Variants in IGF2R observed in about 807,000 individuals in gnomAD.
The protein encoded by IGF2R is cation-independent mannose-6-phosphate receptor.
Under a neutral mutation model 270.6 loss-of-function variants are expected in IGF2R, and 91 were observed. That is an observed-to-expected ratio of 0.34 (90% CI 0.28 to 0.40). The LOEUF is 0.40. Among genes scored for constraint, IGF2R ranks in the 10% least tolerant of loss-of-function variants. IGF2R has a pLI of 1.00. For missense variants in IGF2R, 2,805 were observed against 3,188.3 expected, an observed-to-expected ratio of 0.88 and a Z score of 2.90; for synonymous variants, 1,316 against 1,258.9, an observed-to-expected ratio of 1.05 and a Z score of -0.96.
At chr6:160,012,485 A>G (rs1228873451) in intron 4 of IGF2R, among the ~76,000 whole-genome samples, 1 of 152,142 alleles carries the variant, frequency 6.6e-6, no homozygotes, top group Non-Finnish European at 1.5e-5. Flanking sequence ...GCAACAGAGT[A>G]TCGAGCACCT....
intron 1 of IGF2R, among the ~76,000 whole-genome samples, chr6:159,981,959 G>GT (rs933182816): frequency 1.3e-5 from 2 of 152,168 alleles, no homozygotes; most frequent in Non-Finnish European, 2.9e-5. Flanking sequence ...CTATTTATTT[G>GT]TATTTGTCGG....
intron 31 of IGF2R, among the ~76,000 whole-genome samples, chr6:160,071,017 G>A (rs1211914595): frequency 6.6e-6 from 1 of 152,216 alleles, no homozygotes; most frequent in Non-Finnish European, 1.5e-5. Flanking sequence ...GTGAGAGGGT[G>A]TGTGGGGCCC....
At chr6:160,058,256 T>G in intron 21 of IGF2R, 132 bp downstream of exon 21, 1 of 650,556 alleles carries the variant, frequency 1.5e-6, no homozygotes, top group Non-Finnish European at 2.8e-6. Context: ...CAGAAGGAGA[T>G]GGGAAAATCC....
At chr6:160,076,692 C>T (rs1778862216) in intron 36 of IGF2R, among the ~76,000 whole-genome samples, 2 of 152,216 alleles carry the variant, frequency 1.3e-5, no homozygotes, top group Admixed American at 1.3e-4. Context: ...AGCCTGTCGT[C>T]TGTGCTTCTG....
In IGF2R at chr6:160,089,316, T is replaced by C. The variant is rs1179312067; in HGVS notation, c.6467+63T>C. On this transcript the variant is annotated intron_variant, in intron 43 of 47. Coordinates refer to ENST00000356956, the MANE Select transcript of IGF2R (RefSeq NM_000876.4). Reference sequence around the variant, plus strand: ...TTCAAAATTAAACCAGCAATGCCGCTCTTTCCCTATCGGGGAGCACTGCAG... The same window carrying C: ...TTCAAAATTAAACCAGCAATGCCGCCCTTTCCCTATCGGGGAGCACTGCAG... The C allele has an allele frequency of 1.0e-5, 15 of 1,458,430 alleles. No homozygotes were observed. The East Asian group carries it at 3.5e-4, about 34-fold the overall frequency. The allele number at this position is 1,458,430 out of a possible 1,614,324, so 90.3% of individuals were successfully genotyped here.
rs1778935102 is a variant in IGF2R at position 160,079,664 on chromosome 6, G to A, written c.5563G>A (p.Val1855Ile). 1.9e-6 allele frequency: 3 copies of A among 1,568,502 alleles called. No individual in the cohort carries two copies. The highest frequency in any genetic ancestry group is 1.2e-5 in the South Asian group (1 of 83,976). ...PEQGGCKDGG[V>I]CLLSGTKGAS... ...ACAAGGAGGCTGTAAGGACGGAGGA[G>A]TCTGTCTGCTCTCAGGCACCAAGGG... The change falls in exon 38 of 48, where the codon GTC becomes ATC. Residue 1855 changes from valine to isoleucine, a missense_variant. By Grantham distance (29) the Val-to-Ile change is conservative (BLOSUM62 3). Transcript: ENST00000356956.
rs568690867 is a variant in IGF2R at position 160,093,909 on chromosome 6, A to G, written c.6656-2530A>G. On this transcript the variant is annotated intron_variant, in intron 44 of 47. Coordinates refer to ENST00000356956, the MANE Select transcript of IGF2R (RefSeq NM_000876.4). ...ATTCAGGAGGCTGATCAGCATGGGGACAGTGCCATATCTTTATCACAGACT... is the reference window on the plus strand; with the variant it reads ...ATTCAGGAGGCTGATCAGCATGGGGGCAGTGCCATATCTTTATCACAGACT... 7.8e-5 allele frequency: 56 copies of G among 717,686 alleles called. No individual in the cohort carries two copies. The African/African-American group carries it at 8.0e-4, about 10-fold the overall frequency. 44.5% of individuals were successfully genotyped at this position (717,686 alleles called of 1,614,324 possible). A position where few individuals can be genotyped will look rare whatever the true frequency, so the allele number is the denominator to read the frequency against.
In IGF2R at chr6:160,032,637, G is replaced by A. The variant is rs138242720; in HGVS notation, c.969G>A (p.Leu323=). 313 of 1,614,024 alleles carry A rather than the reference G, an allele frequency of 1.9e-4. No individual in the cohort carries two copies. The highest frequency in any genetic ancestry group is 2.5e-4 in the Non-Finnish European group (293 of 1,180,010). Residue 323 remains leucine (L), a synonymous_variant, in exon 8 of 48, where the codon CTG becomes CTA. Transcript: ENST00000356956. ...ITEYACHRDY[L]ESKTCSLSGE... is the part of the protein sequence containing the mutation. ...AGTATGCCTGCCACAGAGATTACCT[G>A]GAAAGTAAAACTTGTTCTCTGAGCG...
intron 34 of IGF2R, 137 bp from the exon 35 acceptor site, chr6:160,073,620 G>T: frequency 9.2e-7 from 1 of 1,085,388 alleles, no homozygotes. Flanking sequence ...GAAGTGCCCA[G>T]TGCTATGTAA....
intron 1 of IGF2R, among the ~76,000 whole-genome samples, chr6:159,983,590 C>A (rs1220737821): frequency 6.6e-6 from 1 of 152,166 alleles, no homozygotes; most frequent in Non-Finnish European, 1.5e-5. Context: ...ATGTTTCTGC[C>A]ACAGACTTTG....
At position 160,024,715 on chromosome 6, in the gene IGF2R, T is replaced by C; in HGVS notation, c.646+11T>C. On this transcript the variant is annotated intron_variant, in intron 5 of 47. Coordinates refer to ENST00000356956, the MANE Select transcript of IGF2R (RefSeq NM_000876.4). Reference sequence around the variant, plus strand: ...TTTGTAGAGACATAGGTATGAATCTTTGTGGGGCTGAGGGGGTGGTGGTGA... The same window carrying C: ...TTTGTAGAGACATAGGTATGAATCTCTGTGGGGCTGAGGGGGTGGTGGTGA... 3 of 1,613,780 alleles carry C rather than the reference T, an allele frequency of 1.9e-6. 1 individual carries two copies. The African/African-American group carries it at 4.0e-5, about 22-fold the overall frequency.
At chr6:159,983,627 C>T (rs1783837675) in intron 1 of IGF2R, among the ~76,000 whole-genome samples, 2 of 152,206 alleles carry the variant, frequency 1.3e-5, no homozygotes, top group African/African-American at 2.4e-5. Flanking sequence ...CTTCTAAAGT[C>T]ATTTGCCTTG....
chr6:159,983,001 A>G (rs781294232), intron 1 of IGF2R, among the ~76,000 whole-genome samples: 3 of 152,240 alleles, frequency 2.0e-5, no homozygotes, highest in African/African-American at 7.2e-5. Flanking sequence ...GAGAGGTGTC[A>G]TATTAAGATA....
chr6:160,011,361 G>A (rs374211841), intron 4 of IGF2R, among the ~76,000 whole-genome samples: 7 of 151,794 alleles, frequency 4.6e-5, no homozygotes, highest in East Asian at 1.9e-4. Context: ...TTACTATTAC[G>A]TCCACCCCTT....
chr6:160,108,305 A>G lies in IGF2R; in HGVS notation c.*3221A>G, dbSNP rs373280087. 17 of 152,604 alleles carry G rather than the reference A, an allele frequency of 1.1e-4. 2 individuals carry two copies. The highest frequency in any genetic ancestry group is 3.8e-4 in the African/African-American group (16 of 41,566). 9.5% of individuals were successfully genotyped at this position (152,604 alleles called of 1,614,324 possible). A position where few individuals can be genotyped will look rare whatever the true frequency, so the allele number is the denominator to read the frequency against. ...GAGCTTGTGTGCAAGGCGGCAAGATAGCCACATTGAGTTGGGGACAGTATG... is the reference window on the plus strand; with the variant it reads ...GAGCTTGTGTGCAAGGCGGCAAGATGGCCACATTGAGTTGGGGACAGTATG... On this transcript the variant is annotated 3_prime_UTR_variant, in exon 48 of 48. Transcript: ENST00000356956.
intron 29 of IGF2R, among the ~76,000 whole-genome samples, chr6:160,065,812 G>GTATATATATA (rs1456196890): frequency 1.2e-3 from 81 of 69,334 alleles, no homozygotes; most frequent in African/African-American, 1.9e-3. Flanking sequence ...GTGTGTGTGT[G>GTATATATATA]TGTATATATA....
intron 5 of IGF2R, among the ~76,000 whole-genome samples, chr6:160,025,043 CG>C (rs1777529721): frequency 1.3e-5 from 2 of 152,020 alleles, no homozygotes; most frequent in African/African-American, 4.8e-5. Flanking sequence ...CTCTGAGTTA[CG>C]GGCTGGGTGA....
At position 160,078,228 on chromosome 6, in the gene IGF2R, G is replaced by A. The variant is rs142698228; in HGVS notation, c.5344G>A (p.Glu1782Lys). 14 of 1,614,212 alleles carry A rather than the reference G, an allele frequency of 8.7e-6. No homozygotes were observed. Among genetic ancestry groups the A allele is most frequent in the Middle Eastern group, 1.6e-4 (1 of 6,062 alleles). Reference sequence around the variant, plus strand: ...AACGCCTAAGCTGTTAAGGACCAGCGAGTGCGACTTTGTGTTCGAATGGGA... The same window carrying A: ...AACGCCTAAGCTGTTAAGGACCAGCAAGTGCGACTTTGTGTTCGAATGGGA... The part of the protein sequence containing the change: ...MGTPKLLRTS[E>K]CDFVFEWETP... The change falls in exon 37 of 48, where the codon GAG (glutamate) becomes AAG (lysine). Residue 1782 changes from glutamate to lysine, a missense_variant. By Grantham distance (56) the Glu-to-Lys change is moderately conservative (BLOSUM62 1). This residue lies in a region of IGF2R where 1,851 missense variants were observed against 2,207.2 expected (regional missense o/e 0.84). Coordinates refer to ENST00000356956, the MANE Select transcript of IGF2R (RefSeq NM_000876.4).
At chr6:159,986,601 C>T (rs866945328) in intron 1 of IGF2R, among the ~76,000 whole-genome samples, 2 of 152,098 alleles carry the variant, frequency 1.3e-5, no homozygotes, top group African/African-American at 4.8e-5. Context: ...GTATTCAACA[C>T]ATTCTTTTGT....
Sources: allele counts gnomAD v4.1 joint callset (sites outside exome capture counted in the v4.1 genomes callset), GRCh38; gene constraint gnomAD v4.1.1; regional missense constraint gnomAD v4.1.1; transcripts MANE v1.5; gene names NCBI Gene and HGNC (gene_info 2026-07-23, HGNC 2026-07-21).